DIXDC1: variants seen among roughly 807,000 people sequenced by gnomAD.
DIXDC1 encodes the protein DIX domain containing 1.
In DIXDC1, 64 loss-of-function variants were observed where a neutral mutation model predicts 103.1. The observed-to-expected ratio is 0.62, with a 90% CI of 0.51 to 0.76. DIXDC1 has a LOEUF of 0.76. DIXDC1 is among the 30% of genes least tolerant of loss of function. The pLI is 0.00. For synonymous variants in DIXDC1, 266 were observed against 298.5 expected, an observed-to-expected ratio of 0.89 and a Z score of 1.12; for missense variants, 759 against 834.2, an observed-to-expected ratio of 0.91 and a Z score of 1.11.
chr11:111,937,646 TC>T lies in DIXDC1; in HGVS notation c.60+89del. On this transcript the variant is annotated intron_variant, in intron 1 of 19. Transcript: ENST00000440460. The stretch of plus-strand genomic sequence containing the variant: ...CGGAAGGGGTCCTCCTCCTCCTCCA[TC>T]CTTTGGGGACCCCAGAGCAAATCGC... 3 of 1,377,752 alleles carry T rather than the reference TC, an allele frequency of 2.2e-6. No homozygotes were observed. In the South Asian group the frequency reaches 3.8e-5, roughly 17 times the overall value. 85.3% of individuals were successfully genotyped at this position (1,377,752 alleles called of 1,614,324 possible).
chr11:111,998,260 T>G lies in DIXDC1; in HGVS notation c.1756+2114T>G, dbSNP rs1555175599. Among the ~76,000 whole-genome samples the G allele has an allele frequency of 2.0e-5, 3 of 152,254 alleles. No individual in the cohort carries two copies. Among genetic ancestry groups the G allele is most frequent in the African/African-American group, 4.8e-5 (2 of 41,464 alleles). ...CCATCAATGTTAGATGCTGGAGATA[T>G]AGAGATGAAGAGGTTAGACTTGGCA... On this transcript the variant is annotated intron_variant, in intron 17 of 19. Coordinates refer to ENST00000440460, the MANE Select transcript of DIXDC1 (RefSeq NM_001037954.4). The surrounding 1 kb of genome is among the most constrained non-coding windows in gnomAD (Gnocchi z 4.1).
At chr11:111,994,203 G>A (rs1333622126) in intron 14 of DIXDC1, among the ~76,000 whole-genome samples, 1 of 151,974 alleles carries the variant, frequency 6.6e-6, no homozygotes, top group Non-Finnish European at 1.5e-5. Context: ...CCTGGCCAAT[G>A]TGGTGAAACC....
At chr11:111,937,252 A>C, upstream of DIXDC1, 4 of 1,248,336 alleles carry the variant, frequency 3.2e-6, no homozygotes, top group Non-Finnish European at 4.0e-6. Flanking sequence ...CGCTCAACCT[A>C]GTGCGCGCCC....
At position 111,977,918 on chromosome 11, in the gene DIXDC1, G is replaced by A. The variant is rs964231317; in HGVS notation, c.657-2819G>A. On this transcript the variant is annotated intron_variant, in intron 5 of 19. Transcript: ENST00000440460. The surrounding 1 kb of genome is among the most constrained non-coding windows in gnomAD (Gnocchi z 6.1). ...GAGCATTATGTTGGGAGGACCGGCT[G>A]CTGACCAGGGGTTATCACTATAAAA... The A allele has an allele frequency of 2.2e-6, 3 of 1,339,258 alleles. No individual in the cohort carries two copies. The highest frequency in any genetic ancestry group is 3.0e-5 in the African/African-American group (2 of 65,604). The allele number at this position is 1,339,258 out of a possible 1,614,324, so 83.0% of individuals were successfully genotyped here. A position where few individuals can be genotyped will look rare whatever the true frequency, so the allele number is the denominator to read the frequency against.
intron 17 of DIXDC1, among the ~76,000 whole-genome samples, chr11:112,004,151 G>A (rs1861163285): frequency 6.6e-6 from 1 of 150,620 alleles, no homozygotes; most frequent in Non-Finnish European, 1.5e-5. Flanking sequence ...TATATCACAT[G>A]TAACCTAAAA....
chr11:111,935,815 T>A (rs1425463261), upstream of DIXDC1, among the ~76,000 whole-genome samples: 3 of 152,184 alleles, frequency 2.0e-5, no homozygotes, highest in African/African-American at 7.2e-5. Context: ...TCTTAGCTTT[T>A]CCCCAGCATT....
chr11:111,936,184 G>A (rs1027496270), upstream of DIXDC1, among the ~76,000 whole-genome samples: 1 of 152,248 alleles, frequency 6.6e-6, no homozygotes, highest in African/African-American at 2.4e-5. Flanking sequence ...ACAAGGCCCT[G>A]ACCTTCTCTG....
chr11:111,982,152 C>T (rs1555173285), intron 6 of DIXDC1, 187 bp from the exon 7 acceptor site: 17 of 538,440 alleles, frequency 3.2e-5, no homozygotes, highest in Non-Finnish European at 5.2e-5. Context: ...CCAAGTGAGC[C>T]TGAGGCCTGA....
At position 111,977,248 on chromosome 11, in the gene DIXDC1, G is replaced by C. The variant is rs56965795; in HGVS notation, c.656+2265G>C. On this transcript the variant is annotated intron_variant, in intron 5 of 19. Coordinates refer to ENST00000440460, the MANE Select transcript of DIXDC1 (RefSeq NM_001037954.4). This position sits in a 1 kb window ranked among gnomAD's most constrained non-coding sequence, Gnocchi z 6.1. ...GCCAGCGGAGCTGGCTTGGGTCGGA[G>C]CCCGGCTGCCTCGCCGCGTGTGACA... 1 of 1,002,784 alleles carries C rather than the reference G, an allele frequency of 1.0e-6. No homozygotes were observed. Among genetic ancestry groups the C allele is most frequent in the Non-Finnish European group, 1.2e-6 (1 of 841,874 alleles). 62.1% of individuals were successfully genotyped at this position (1,002,784 alleles called of 1,614,324 possible).
At chr11:111,996,590 C>T (rs1555175426) in intron 17 of DIXDC1, among the ~76,000 whole-genome samples, 1 of 152,206 alleles carries the variant, frequency 6.6e-6, no homozygotes, top group Non-Finnish European at 1.5e-5. Flanking sequence ...GTGGCTCACG[C>T]CTGTAATCCC....
At chr11:111,986,820 C>T in intron 8 of DIXDC1, 51 bp from the exon 9 acceptor site, 1 of 1,511,632 alleles carries the variant, frequency 6.6e-7, no homozygotes, top group Middle Eastern at 1.7e-4. Flanking sequence ...ATGAGTGGCT[C>T]TGTACTTCAC....
intron 1 of DIXDC1, among the ~76,000 whole-genome samples, chr11:111,929,193 GA>G (rs782237128): frequency 4.6e-5 from 7 of 152,042 alleles, no homozygotes; most frequent in Non-Finnish European, 8.8e-5. Flanking sequence ...ACAAAAAAAA[GA>G]ATTACACATG....
chr11:111,997,943 A>C (rs1318544125), intron 17 of DIXDC1, among the ~76,000 whole-genome samples: 3 of 152,312 alleles, frequency 2.0e-5, no homozygotes, highest in Admixed American at 6.5e-5. Context: ...ACTCCTGTAC[A>C]TCAAAATTCT....
chr11:112,004,026 T>TTATA (rs34490826), intron 17 of DIXDC1, among the ~76,000 whole-genome samples: 112 of 128,496 alleles, frequency 8.7e-4, no homozygotes, highest in South Asian at 8.4e-3. Flanking sequence ...AAAAAAAAAA[T>TTATA]TATATATATA....
chr11:111,989,496 C>T (rs1306382970), intron 10 of DIXDC1, among the ~76,000 whole-genome samples: 1 of 151,418 alleles, frequency 6.6e-6, no homozygotes, highest in African/African-American at 2.4e-5. Flanking sequence ...TGGTGGCAGG[C>T]ACCTGTAATC....
chr11:111,940,476 TTGGTGTTG>T (rs1555168714), intron 1 of DIXDC1, among the ~76,000 whole-genome samples: 1 of 152,200 alleles, frequency 6.6e-6, no homozygotes, highest in Non-Finnish European at 1.5e-5. Context: ...CTGCTTGATA[TTGGTGTTG>T]TCCTATGAAT....
At chr11:111,987,143 G>A (rs1007851246) in intron 9 of DIXDC1, among the ~76,000 whole-genome samples, 9 of 151,938 alleles carry the variant, frequency 5.9e-5, no homozygotes, top group African/African-American at 1.2e-4. Context: ...CCAGCTACTC[G>A]GGAGGCTGAG....
At chr11:111,969,929 C>T (rs2137523156) in intron 3 of DIXDC1, among the ~76,000 whole-genome samples, 1 of 152,274 alleles carries the variant, frequency 6.6e-6, no homozygotes, top group Non-Finnish European at 1.5e-5. Context: ...GTTAAACTAT[C>T]TCTCTTCACT....
rs1442998813 is a variant in DIXDC1 at position 111,941,825 on chromosome 11, AACG to A, written c.60+4268_60+4270del. ...AGGGTGAGATTCTGTCTCAAAACAA[AACG>A]AAACAAAATACACACACACACACAC... On this transcript the variant is annotated intron_variant, in intron 1 of 19. Transcript: ENST00000440460. 3.5e-5 allele frequency among the ~76,000 whole-genome samples: 5 copies of A among 143,460 alleles called. No homozygotes were observed. In the East Asian group the frequency reaches 1.2e-3, roughly 34 times the overall value. The allele number at this position is 143,460 out of a possible 152,430, so 94.1% of individuals were successfully genotyped here.
Sources: allele counts gnomAD v4.1 joint callset (sites outside exome capture counted in the v4.1 genomes callset), GRCh38; gene constraint gnomAD v4.1.1; non-coding constraint Gnocchi (gnomAD v3.1); transcripts MANE v1.5; gene names NCBI Gene and HGNC (gene_info 2026-07-23, HGNC 2026-07-21).